CLDN18: variants seen among roughly 807,000 people sequenced by gnomAD.
CLDN18 encodes claudin-18.
CLDN18 carries 20 observed loss-of-function variants against 25.0 expected under a neutral mutation model. That is an observed-to-expected ratio of 0.80 (90% CI 0.56 to 1.16). CLDN18 has a LOEUF of 1.16. Ranked by LOEUF, CLDN18 falls within the 50% of genes most tolerant of loss-of-function variation. The pLI is 0.00. For missense variants in CLDN18, 297 were observed against 345.4 expected (o/e 0.86, Z 1.11); for synonymous variants, 125 against 135.6 (o/e 0.92, Z 0.54).
intron 1 of CLDN18, among the ~76,000 whole-genome samples, chr3:138,002,726 C>A (rs1256347726): frequency 6.6e-6 from 1 of 152,116 alleles, no homozygotes; most frequent in Non-Finnish European, 1.5e-5. Context: ...CCAAATCTTC[C>A]AGAGAAACCC....
chr3:138,030,879 A>C, intron 4 of CLDN18, 91 bp from the exon 5 acceptor site: 1 of 1,209,858 alleles, frequency 8.3e-7, no homozygotes, highest in Non-Finnish European at 1.2e-6. Flanking sequence ...CTGGACTTTC[A>C]GTGCCAAGAC....
intron 1 of CLDN18, among the ~76,000 whole-genome samples, chr3:138,000,751 G>A (rs1942007684): frequency 6.6e-6 from 1 of 152,226 alleles, no homozygotes; most frequent in Admixed American, 6.5e-5. Context: ...AGGACCAGAA[G>A]GAAGATGAAC....
intron 1 of CLDN18, among the ~76,000 whole-genome samples, chr3:138,002,008 A>G (rs562052644): frequency 6.6e-6 from 1 of 152,218 alleles, no homozygotes; most frequent in African/African-American, 2.4e-5. Flanking sequence ...ACCTCAAACA[A>G]GTGGATTTTT....
intron 3 of CLDN18, among the ~76,000 whole-genome samples, chr3:138,027,755 C>T (rs1400259365): frequency 1.3e-5 from 2 of 152,182 alleles, no homozygotes; most frequent in Non-Finnish European, 2.9e-5. Flanking sequence ...GACAGGGGCT[C>T]TGTCTGTGTC....
intron 1 of CLDN18, chr3:137,999,120 A>G (rs1941987954): frequency 3.1e-6 from 5 of 1,592,356 alleles, no homozygotes; most frequent in Admixed American, 1.7e-5. Context: ...GGCTGGAGGG[A>G]GAGATTGGAG....
At chr3:138,019,319 C>T (rs1942245177) in intron 1 of CLDN18, among the ~76,000 whole-genome samples, 1 of 152,194 alleles carries the variant, frequency 6.6e-6, no homozygotes, top group African/African-American at 2.4e-5. Flanking sequence ...TCTAGCCTCT[C>T]CCATATTATT....
At chr3:138,005,395 A>AC (rs1450236470), upstream of CLDN18, among the ~76,000 whole-genome samples, 1 of 144,758 alleles carries the variant, frequency 6.9e-6, no homozygotes, top group African/African-American at 2.6e-5. Flanking sequence ...CGTGCCACCC[A>AC]CCCCCCTAAC....
chr3:138,029,585 G>C (rs1260366362), intron 3 of CLDN18, among the ~76,000 whole-genome samples: 3 of 152,176 alleles, frequency 2.0e-5, no homozygotes, highest in African/African-American at 7.2e-5. Flanking sequence ...GAATCCCCCT[G>C]CTGTTTTGCC....
chr3:138,010,048 A>T, upstream of CLDN18: 1 of 1,054,092 alleles, frequency 9.5e-7, no homozygotes, highest in Non-Finnish European at 1.3e-6. Context: ...ATGTAAAAAT[A>T]ATGCCCTTGA....
chr3:138,014,491 AG>A (rs1942182172), intron 1 of CLDN18, among the ~76,000 whole-genome samples: 1 of 151,826 alleles, frequency 6.6e-6, no homozygotes, highest in African/African-American at 2.4e-5. Flanking sequence ...GGGCTGGGGG[AG>A]GGGGAAGTCG....
At chr3:138,024,803 GTGA>G in intron 3 of CLDN18, 79 bp downstream of exon 3, 1 of 792,662 alleles carries the variant, frequency 1.3e-6, no homozygotes, top group Non-Finnish European at 2.1e-6. Flanking sequence ...TGCACCTAAT[GTGA>G]CTGTCAGTGC....
chr3:138,030,870 T>G (rs1942383870), intron 4 of CLDN18, 100 bp from the exon 5 acceptor site: 2 of 1,134,714 alleles, frequency 1.8e-6, no homozygotes, highest in Non-Finnish European at 2.5e-6. Flanking sequence ...CCAGGGACAC[T>G]GGACTTTCAG....
chr3:138,005,567 C>G (rs1942060529), upstream of CLDN18, among the ~76,000 whole-genome samples: 1 of 152,080 alleles, frequency 6.6e-6, no homozygotes, highest in South Asian at 2.1e-4. Context: ...AGGACATGAA[C>G]TCATATTCGT....
At chr3:138,012,410 A>G (rs974138876) in intron 1 of CLDN18, among the ~76,000 whole-genome samples, 2 of 152,152 alleles carry the variant, frequency 1.3e-5, no homozygotes, top group Non-Finnish European at 2.9e-5. Context: ...AGGTGCACAC[A>G]TAACAGCCTG....
chr3:138,029,411 T>G (rs1942362188), intron 3 of CLDN18, among the ~76,000 whole-genome samples: 1 of 152,210 alleles, frequency 6.6e-6, no homozygotes, highest in East Asian at 1.9e-4. Flanking sequence ...AGTGCTAGGA[T>G]TACAGGCATG....
intron 3 of CLDN18, among the ~76,000 whole-genome samples, chr3:138,028,659 C>G (rs1340442528): frequency 6.6e-6 from 1 of 152,208 alleles, no homozygotes; most frequent in African/African-American, 2.4e-5. Flanking sequence ...CACTGACATC[C>G]TAATAGTTTT....
chr3:138,011,821 A>G (rs927837351), intron 1 of CLDN18, among the ~76,000 whole-genome samples: 5 of 152,112 alleles, frequency 3.3e-5, no homozygotes, highest in African/African-American at 1.2e-4. Flanking sequence ...GGGGCTCCTG[A>G]ATATTCCCAC....
chr3:138,003,109 C>T (rs1436239228), intron 1 of CLDN18, among the ~76,000 whole-genome samples: 1 of 152,122 alleles, frequency 6.6e-6, no homozygotes, highest in African/African-American at 2.4e-5. Context: ...TAATTCTTTT[C>T]TGTGGGAGCC....
At chr3:138,025,094 G>A (rs1416780153) in intron 3 of CLDN18, among the ~76,000 whole-genome samples, 1 of 152,200 alleles carries the variant, frequency 6.6e-6, no homozygotes, top group Non-Finnish European at 1.5e-5. Flanking sequence ...CTAGGAACAG[G>A]GAAACGTTTG....
Sources: allele counts gnomAD v4.1 joint callset (sites outside exome capture counted in the v4.1 genomes callset), GRCh38; gene constraint gnomAD v4.1.1; transcripts MANE v1.5; gene names NCBI Gene and HGNC (gene_info 2026-07-23, HGNC 2026-07-21).